PROSER1: variants seen among roughly 807,000 people sequenced by gnomAD.
The protein encoded by PROSER1 is proline and serine rich 1, also known as proline and serine-rich protein 1.
In PROSER1, 36 loss-of-function variants were observed where a neutral mutation model predicts 71.8. The ratio of observed to expected loss-of-function variants is 0.50; its 90% CI spans 0.38 to 0.66. The LOEUF (loss-of-function observed/expected upper bound fraction) is 0.66. Among genes scored for constraint, PROSER1 ranks in the 30% least tolerant of loss-of-function variants. The pLI, the probability that PROSER1 is intolerant of heterozygous loss-of-function variation, is 0.00. For missense variants in PROSER1, 1,107 were observed against 1,135.0 expected (o/e 0.98, Z 0.35); for synonymous variants, 490 against 452.4 (o/e 1.08, Z -1.06).
Position 39,013,545 on chromosome 13 carries a change from C to T in PROSER1, c.1707G>A (p.Thr569=), listed in dbSNP as rs756681012. 8.9e-5 allele frequency: 143 copies of T among 1,614,070 alleles called. No homozygotes were observed. Among genetic ancestry groups the T allele is most frequent in the Non-Finnish European group, 1.1e-4 (127 of 1,180,010 alleles). ...SPLATAASAS[T]SVPVSCGSSA... ...AGGAGCCACAGCTAACTGGCACTGA[C>T]GTGGAAGCTGATGCAGCAGTGGCTA... Residue 569 remains threonine (T), a synonymous_variant, in exon 11 of 13, where the codon ACG becomes ACA. Coordinates refer to ENST00000352251, the MANE Select transcript of PROSER1 (RefSeq NM_025138.5).
chr13:39,036,371 C>T (rs953216639), intron 1 of PROSER1, among the ~76,000 whole-genome samples: 3 of 152,256 alleles, frequency 2.0e-5, no homozygotes, highest in African/African-American at 7.2e-5. Context: ...AGCACCAGAG[C>T]ACATGGCAAC....
In PROSER1 at chr13:39,030,554, T is replaced by C. The variant is rs1374174993; in HGVS notation, c.180+1009A>G. Among the ~76,000 whole-genome samples the C allele has an allele frequency of 2.6e-5, 4 of 152,110 alleles. No homozygotes were observed. The East Asian group carries it at 5.8e-4, about 22-fold the overall frequency. Reference sequence around the variant, plus strand: ...CCCCTGCCGCAGCCTCCTGGGTAGTTAGGACTAAAGGAGCATACCACCACA... The same window carrying C: ...CCCCTGCCGCAGCCTCCTGGGTAGTCAGGACTAAAGGAGCATACCACCACA... On this transcript the variant is annotated intron_variant, in intron 3 of 12. Transcript: ENST00000352251.
At chr13:39,032,886 A>G (rs1334614684) in intron 2 of PROSER1, among the ~76,000 whole-genome samples, 3 of 152,064 alleles carry the variant, frequency 2.0e-5, no homozygotes, top group Admixed American at 6.5e-5. Context: ...AAATGCTATT[A>G]GCTGTAAGAA....
intron 7 of PROSER1, among the ~76,000 whole-genome samples, chr13:39,024,235 G>A (rs1028415115): frequency 1.3e-5 from 2 of 151,976 alleles, no homozygotes; most frequent in Non-Finnish European, 1.5e-5. Context: ...AATGCATCTC[G>A]AGAAAAAAAC....
chr13:39,012,545 G>A (rs1297772217), intron 11 of PROSER1, 146 bp downstream of exon 11: 1 of 691,010 alleles, frequency 1.4e-6, no homozygotes, highest in Non-Finnish European at 2.4e-6. Flanking sequence ...TCTTAACATG[G>A]TTCATAAAAC....
At chr13:39,018,472 C>CGA (rs1870111351) in intron 9 of PROSER1, among the ~76,000 whole-genome samples, 1 of 105,068 alleles carries the variant, frequency 9.5e-6, no homozygotes, top group African/African-American at 3.6e-5. Context: ...TTTTAAAACC[C>CGA]GACACACACA....
intron 6 of PROSER1, among the ~76,000 whole-genome samples, chr13:39,024,888 C>A (rs535129806): frequency 1.2e-4 from 19 of 152,240 alleles, no homozygotes; most frequent in African/African-American, 4.1e-4. Flanking sequence ...GCTCAAGTCT[C>A]TTATATAAAA....
chr13:39,013,609 G>C lies in PROSER1; in HGVS notation c.1643C>G (p.Ser548Ter). The change falls in exon 11 of 13, where the codon TCA becomes TGA. Residue 548 changes from serine (S) to a stop codon, truncating the protein, a stop_gained. Transcript: ENST00000352251. LOFTEE classifies it high-confidence loss of function. Reference sequence around the variant, plus strand: ...AGGCAATGTCAGGGGAGTGGAAGTTGAGTTAGCCACGGGAGACGGCAGGCC... The same window carrying C: ...AGGCAATGTCAGGGGAGTGGAAGTTCAGTTAGCCACGGGAGACGGCAGGCC... ...FPGLPSPVAN[S>*]TSTPLTLPVQ... 6.2e-7 allele frequency: 1 copy of C among 1,614,190 alleles called. No homozygotes were observed. The highest frequency in any genetic ancestry group is 8.5e-7 in the Non-Finnish European group (1 of 1,180,036).
chr13:39,027,311 A>G (rs1410469730), intron 5 of PROSER1, among the ~76,000 whole-genome samples: 1 of 152,102 alleles, frequency 6.6e-6, no homozygotes, highest in Admixed American at 6.6e-5. Context: ...CTTCAAATAA[A>G]TTCCTAAAAG....
chr13:39,011,753 C>T (rs563921017), intron 12 of PROSER1, among the ~76,000 whole-genome samples: 4 of 152,268 alleles, frequency 2.6e-5, no homozygotes, highest in South Asian at 2.1e-4. Context: ...TGTGCTTTAA[C>T]GGTCAATCAT....
intron 2 of PROSER1, among the ~76,000 whole-genome samples, chr13:39,032,057 T>A (rs771621081): frequency 1.6e-4 from 25 of 152,138 alleles, no homozygotes; most frequent in Non-Finnish European, 1.5e-4. Flanking sequence ...AGATCAAATG[T>A]CAGCTCAGGA....
chr13:39,024,771 G>A (rs1164528394), intron 6 of PROSER1, among the ~76,000 whole-genome samples: 1 of 151,930 alleles, frequency 6.6e-6, no homozygotes, highest in Non-Finnish European at 1.5e-5. Flanking sequence ...ACATGCAAAG[G>A]TACTCAGAAG....
intron 6 of PROSER1, among the ~76,000 whole-genome samples, chr13:39,025,030 A>T (rs1342210207): frequency 6.6e-6 from 1 of 152,102 alleles, no homozygotes; most frequent in Non-Finnish European, 1.5e-5. Context: ...TTACTGTATT[A>T]TTGCTTTTTT....
intron 5 of PROSER1, among the ~76,000 whole-genome samples, chr13:39,027,485 A>G (rs1338885928): frequency 3.9e-5 from 6 of 152,190 alleles, no homozygotes; most frequent in Non-Finnish European, 8.8e-5. Context: ...ACTTCATAAG[A>G]AAGAAAACTA....
chr13:39,030,827 A>AG (rs1452150460), intron 3 of PROSER1, among the ~76,000 whole-genome samples: 1 of 152,098 alleles, frequency 6.6e-6, no homozygotes, highest in Non-Finnish European at 1.5e-5. Flanking sequence ...TTTCACCCCC[A>AG]GAGAACAGGT....
At chr13:39,024,661 A>G in intron 6 of PROSER1, 105 bp from the exon 7 acceptor site, 2 of 780,450 alleles carry the variant, frequency 2.6e-6, no homozygotes, top group Non-Finnish European at 4.1e-6. Context: ...AGGACTTGGT[A>G]AGAGTGTAAA....
At chr13:39,020,870 G>A (rs1180213592) in intron 9 of PROSER1, among the ~76,000 whole-genome samples, 1 of 152,144 alleles carries the variant, frequency 6.6e-6, no homozygotes, top group Non-Finnish European at 1.5e-5. Flanking sequence ...GTGTTGGGGT[G>A]TTTTAGTCCT....
chr13:39,012,535 T>C, intron 11 of PROSER1, 156 bp downstream of exon 11: 1 of 676,394 alleles, frequency 1.5e-6, no homozygotes, highest in Non-Finnish European at 2.5e-6. Flanking sequence ...TATACATTTA[T>C]CTTAACATGG....
rs747000435 is a variant in PROSER1, at chr13:39,012,928, G to C, written c.2324C>G (p.Ser775Cys). ...NLSTAVPSLF[S>C]VTQGPLSSSN... ...AGATGACAGAGGTCCTTGAGTAACA[G>C]AGAAAAGTGAGGGAACAGCAGTGGA... Residue 775 changes from serine to cysteine, a missense_variant, in exon 11 of 13, where the codon TCT (serine) becomes TGT (cysteine). Ser to Cys is a moderately radical substitution (Grantham distance 112). Transcript: ENST00000352251. 26 of 1,614,050 alleles carry C rather than the reference G, an allele frequency of 1.6e-5. No individual in the cohort carries two copies. The highest frequency in any genetic ancestry group is 3.3e-5 in the South Asian group (3 of 91,088).
Sources: allele counts gnomAD v4.1 joint callset (sites outside exome capture counted in the v4.1 genomes callset), GRCh38; gene constraint gnomAD v4.1.1; transcripts MANE v1.5; gene names NCBI Gene and HGNC (gene_info 2026-07-23, HGNC 2026-07-21).